Variants in KCNK1 observed in about 807,000 individuals in gnomAD.
KCNK1 encodes potassium channel subfamily K member 1.
In KCNK1, 10 loss-of-function variants were observed where a neutral mutation model predicts 22.2. The ratio of observed to expected loss-of-function variants is 0.45; its 90% CI spans 0.28 to 0.76. The LOEUF (loss-of-function observed/expected upper bound fraction) is 0.76. KCNK1 is among the 30% of genes least tolerant of loss of function. KCNK1 has a pLI of 0.14. For missense variants in KCNK1, 378 were observed against 421.0 expected, an observed-to-expected ratio of 0.90 and a Z score of 0.89; for synonymous variants, 200 against 186.4, an observed-to-expected ratio of 1.07 and a Z score of -0.60.
chr1:233,637,195 CA>C (rs34327644), intron 1 of KCNK1: 22,748 of 97,126 alleles, frequency 0.23, 1,408 homozygotes, highest in Middle Eastern at 0.34. Flanking sequence ...GACTCTGTTT[CA>C]AAAAAAAAAA....
intron 1 of KCNK1, chr1:233,631,418 C>T (rs368235384): frequency 2.4e-5 from 10 of 415,426 alleles, no homozygotes; most frequent in East Asian, 1.5e-4. Flanking sequence ...TTAAGCTCAA[C>T]GGTTATCAGC....
At chr1:233,664,821 AT>A (rs1388137876) in intron 1 of KCNK1, among the ~76,000 whole-genome samples, 1 of 152,244 alleles carries the variant, frequency 6.6e-6, no homozygotes, top group Non-Finnish European at 1.5e-5. Flanking sequence ...AGCTGAGTGT[AT>A]TTTAGAGATC....
At chr1:233,656,760 T>A (rs1461634657) in intron 1 of KCNK1, among the ~76,000 whole-genome samples, 5 of 152,248 alleles carry the variant, frequency 3.3e-5, no homozygotes, top group Middle Eastern at 3.4e-3. Flanking sequence ...CTGGGACTAC[T>A]GGCACATGCC....
chr1:233,662,125 G>A (rs1244486807), intron 1 of KCNK1, among the ~76,000 whole-genome samples: 1 of 152,234 alleles, frequency 6.6e-6, no homozygotes, highest in East Asian at 1.9e-4. Context: ...GGACTGCAAA[G>A]TAAATTCTGT....
chr1:233,626,981 T>C (rs1657699720), intron 1 of KCNK1, among the ~76,000 whole-genome samples: 1 of 152,204 alleles, frequency 6.6e-6, no homozygotes, highest in Non-Finnish European at 1.5e-5. Context: ...AGGTGGTTTC[T>C]GTTTTTAGGA....
At chr1:233,627,587 C>T (rs1657712574) in intron 1 of KCNK1, among the ~76,000 whole-genome samples, 1 of 150,710 alleles carries the variant, frequency 6.6e-6, no homozygotes, top group Admixed American at 6.6e-5. Context: ...CGCCCACGGG[C>T]CAGCTCCAGC....
chr1:233,634,373 T>C (rs1330371398), intron 1 of KCNK1, among the ~76,000 whole-genome samples: 2 of 152,064 alleles, frequency 1.3e-5, no homozygotes, highest in African/African-American at 4.8e-5. Context: ...TTCAGGTTCT[T>C]AAACTGCTTT....
At chr1:233,615,987 C>G (rs1324224618) in intron 1 of KCNK1, among the ~76,000 whole-genome samples, 3 of 152,224 alleles carry the variant, frequency 2.0e-5, no homozygotes, top group Non-Finnish European at 2.9e-5. Context: ...GACCTGTTAT[C>G]TCACTTTCCA....
Position 233,668,415 on chromosome 1 carries a change from A to G in KCNK1, c.751+1425A>G, listed in dbSNP as rs139687762. Among the ~76,000 whole-genome samples, 21 of 152,336 alleles carry G rather than the reference A, an allele frequency of 1.4e-4. No homozygotes were observed. In the East Asian group the frequency reaches 2.7e-3, roughly 20 times the overall value. On this transcript the variant is annotated intron_variant, in intron 2 of 2. Coordinates refer to ENST00000366621, the MANE Select transcript of KCNK1 (RefSeq NM_002245.4). Reference sequence around the variant, plus strand: ...ATGCTTTGAACAGTGCCTGGCTACCATACAAGTTCGACAGACTTTTTTTTG... The same window carrying G: ...ATGCTTTGAACAGTGCCTGGCTACCGTACAAGTTCGACAGACTTTTTTTTG...
intron 1 of KCNK1, among the ~76,000 whole-genome samples, chr1:233,655,037 C>T (rs1307985269): frequency 6.6e-6 from 1 of 152,174 alleles, no homozygotes; most frequent in African/African-American, 2.4e-5. Flanking sequence ...ACGATTCTAG[C>T]TCTTGGAGCC....
At chr1:233,646,395 C>T (rs577021845) in intron 1 of KCNK1, among the ~76,000 whole-genome samples, 5 of 152,140 alleles carry the variant, frequency 3.3e-5, no homozygotes, top group South Asian at 4.2e-4. Flanking sequence ...ATGTAAGCAC[C>T]GTATTTAAAG....
intron 1 of KCNK1, among the ~76,000 whole-genome samples, chr1:233,627,415 A>T (rs1343776252): frequency 6.6e-6 from 1 of 152,220 alleles, no homozygotes; most frequent in Non-Finnish European, 1.5e-5. Flanking sequence ...GGTTAGATGG[A>T]TTAAGTTAAT....
intron 1 of KCNK1, among the ~76,000 whole-genome samples, chr1:233,622,265 A>G (rs1309814571): frequency 6.6e-6 from 1 of 152,254 alleles, no homozygotes; most frequent in African/African-American, 2.4e-5. Flanking sequence ...TTTCAGGGAC[A>G]GAAATCTCAT....
chr1:233,629,266 A>T (rs1313416621), intron 1 of KCNK1, among the ~76,000 whole-genome samples: 1 of 152,198 alleles, frequency 6.6e-6, no homozygotes, highest in Non-Finnish European at 1.5e-5. Context: ...AGTGGGTAAC[A>T]TCTGTAGGAC....
chr1:233,614,346 C>G lies in KCNK1; in HGVS notation c.175C>G (p.Leu59Val), dbSNP rs1456830025. ...CCTGCTGCGCCAGGAGCTGCGCAAGCTGAAGCGACGCTTCTTGGAGGAGCA... is the reference window on the plus strand; with the variant it reads ...CCTGCTGCGCCAGGAGCTGCGCAAGGTGAAGCGACGCTTCTTGGAGGAGCA... ...EDLLRQELRKLKRRFLEEHEC... is the reference protein window; with the variant it reads ...EDLLRQELRKVKRRFLEEHEC... The change falls in exon 1 of 3, where the codon CTG becomes GTG. Residue 59 changes from leucine to valine, a missense_variant. Leu to Val is a conservative substitution (Grantham distance 32). Coordinates refer to ENST00000366621, the MANE Select transcript of KCNK1 (RefSeq NM_002245.4). 1 of 1,611,640 alleles carries G rather than the reference C, an allele frequency of 6.2e-7. No individual in the cohort carries two copies. The highest frequency in any genetic ancestry group is 2.2e-5 in the East Asian group (1 of 44,812).
chr1:233,656,061 G>C (rs749029712), intron 1 of KCNK1, among the ~76,000 whole-genome samples: 2 of 152,178 alleles, frequency 1.3e-5, no homozygotes, highest in Non-Finnish European at 2.9e-5. Context: ...CGACAGTTTT[G>C]TGAGACCATC....
chr1:233,651,167 A>G (rs1332505186), intron 1 of KCNK1, among the ~76,000 whole-genome samples: 2 of 152,182 alleles, frequency 1.3e-5, no homozygotes, highest in Admixed American at 6.5e-5. Flanking sequence ...TACCTCTGCA[A>G]TCTGTCTTCC....
chr1:233,652,632 G>A (rs1658222160), intron 1 of KCNK1, among the ~76,000 whole-genome samples: 1 of 152,128 alleles, frequency 6.6e-6, no homozygotes, highest in African/African-American at 2.4e-5. Context: ...ACAAACATGG[G>A]GGTGATTTAA....
chr1:233,634,359 G>A (rs685336), intron 1 of KCNK1, among the ~76,000 whole-genome samples: 69,049 of 151,534 alleles, frequency 0.46, 15,997 homozygotes, highest in Non-Finnish European at 0.51. Context: ...TTTTGGTATA[G>A]CTTTTCAGGT....
Sources: gnomAD v4.1 joint callset for allele counts (sites outside exome capture counted in the v4.1 genomes callset) on GRCh38, gnomAD v4.1.1 for gene constraint, MANE v1.5 for transcripts, NCBI Gene and HGNC (gene_info 2026-07-23, HGNC 2026-07-21) for gene names.